XIRP2: variants seen among roughly 807,000 people sequenced by gnomAD.
XIRP2 encodes the protein xin actin-binding repeat-containing protein 2.
XIRP2 carries 236 observed loss-of-function variants against 277.0 expected under a neutral mutation model. That is an observed-to-expected ratio of 0.85 (90% CI 0.77 to 0.95). The LOEUF (loss-of-function observed/expected upper bound fraction) is 0.95, where lower values mean the gene tolerates loss of function less well. XIRP2 is among the 40% of genes least tolerant of loss of function. The probability of loss-of-function intolerance (pLI) is 0.00; values close to 1 mark genes in which losing one functional copy is unlikely to be tolerated. For missense variants in XIRP2, 4,640 were observed against 4,157.5 expected, an observed-to-expected ratio of 1.12 and a Z score of -3.19; for synonymous variants, 1,490 against 1,416.5, an observed-to-expected ratio of 1.05 and a Z score of -1.17.
intron 2 of XIRP2, among the ~76,000 whole-genome samples, chr2:167,082,478 G>C (rs1229176666): frequency 6.6e-6 from 1 of 151,900 alleles, no homozygotes; most frequent in African/African-American, 2.4e-5. Flanking sequence ...GGATGGCTGG[G>C]TCAAATGGTA....
chr2:167,077,721 C>T (rs1558970841), intron 2 of XIRP2, among the ~76,000 whole-genome samples: 1 of 152,146 alleles, frequency 6.6e-6, no homozygotes, highest in Non-Finnish European at 1.5e-5. Flanking sequence ...AGGATTATGT[C>T]TCAGGTGTCA....
At position 167,258,412 on chromosome 2, in the gene XIRP2, A is replaced by G; in HGVS notation, c.*595A>G. 1 of 1,613,404 alleles carries G rather than the reference A, an allele frequency of 6.2e-7. No individual in the cohort carries two copies. Among genetic ancestry groups the G allele is most frequent in the Non-Finnish European group, 8.5e-7 (1 of 1,179,646 alleles). On this transcript the variant is annotated 3_prime_UTR_variant, in exon 11 of 11. Coordinates refer to ENST00000409195, the MANE Select transcript of XIRP2 (RefSeq NM_152381.6). ...ATGTTATAGGAATCAAAGAAATGAA[A>G]ATGCCTGAAGGAAGAAAAGATGAAA...
At chr2:166,970,444 T>C (rs1028515961) in intron 2 of XIRP2, among the ~76,000 whole-genome samples, 1 of 152,024 alleles carries the variant, frequency 6.6e-6, no homozygotes, top group African/African-American at 2.4e-5. Context: ...TGAATGAGTT[T>C]TGTTGTTGCA....
chr2:167,020,426 T>C (rs1687949047), intron 2 of XIRP2, among the ~76,000 whole-genome samples: 1 of 152,050 alleles, frequency 6.6e-6, no homozygotes, highest in Admixed American at 6.6e-5. Flanking sequence ...AGATCATTAC[T>C]TAATCTTTGA....
rs148765610 is a variant in XIRP2 at position 167,187,391 on chromosome 2, C to T, written c.563-23344C>T. ...TTGCTTGATAGACCCTTCAGTGGAG[C>T]GGGCCTCCACTGCACCCATTGCTTT... On this transcript the variant is annotated intron_variant, in intron 3 of 10. Transcript: ENST00000409195. 2.0e-4 allele frequency: 200 copies of T among 985,274 alleles called. No individual in the cohort carries two copies. The African/African-American group carries it at 3.2e-3, about 16-fold the overall frequency. 61.0% of individuals were successfully genotyped at this position (985,274 alleles called of 1,614,324 possible). A position where few individuals can be genotyped will look rare whatever the true frequency, so the allele number is the denominator to read the frequency against.
intron 2 of XIRP2, among the ~76,000 whole-genome samples, chr2:166,936,684 G>T (rs375579533): frequency 3.9e-4 from 59 of 152,224 alleles, no homozygotes; most frequent in South Asian, 2.7e-3. Flanking sequence ...TTTCCCCATT[G>T]CTTGTTTTTG....
intron 2 of XIRP2, among the ~76,000 whole-genome samples, chr2:166,912,031 G>A (rs1684722252): frequency 6.6e-6 from 1 of 152,126 alleles, no homozygotes; most frequent in South Asian, 2.1e-4. Context: ...CTTTCTGTCT[G>A]CCCTTAACAT....
intron 2 of XIRP2, among the ~76,000 whole-genome samples, chr2:167,006,943 A>G (rs1687518454): frequency 6.6e-6 from 1 of 151,698 alleles, no homozygotes; most frequent in Non-Finnish European, 1.5e-5. Context: ...AAGTAATGAA[A>G]ATCTATAGGA....
intron 3 of XIRP2, among the ~76,000 whole-genome samples, chr2:167,159,170 A>C (rs931248761): frequency 6.6e-6 from 1 of 152,158 alleles, no homozygotes; most frequent in Non-Finnish European, 1.5e-5. Flanking sequence ...GAGAGATTCC[A>C]CATGCTGCTG....
rs762622713 is a variant in XIRP2, at chr2:167,243,645, G to A, written c.2253G>A (p.Met751Ile). The A allele has an allele frequency of 2.5e-6, 4 of 1,613,834 alleles. No homozygotes were observed. Among genetic ancestry groups the A allele is most frequent in the Admixed American group, 3.3e-5 (2 of 59,992 alleles). ...TTATTAGAGATGGTTCGGGCCAAAT[G>A]CTGGAAATTAAAACTGTTCACAGAG... Reference protein sequence around the residue: ...LYVIRDGSGQMLEIKTVHRED... With the variant: ...LYVIRDGSGQILEIKTVHRED... The change falls in exon 9 of 11, where the codon ATG becomes ATA. Residue 751 changes from methionine to isoleucine, a missense_variant. By Grantham distance (10) the Met-to-Ile change is conservative. Coordinates refer to ENST00000409195, the MANE Select transcript of XIRP2 (RefSeq NM_152381.6).
intron 3 of XIRP2, among the ~76,000 whole-genome samples, chr2:167,200,330 A>C (rs1272285041): frequency 6.6e-6 from 1 of 152,224 alleles, no homozygotes; most frequent in Admixed American, 6.5e-5. Flanking sequence ...TGCCGAGCCT[A>C]TTTCTCAAAG....
intron 1 of XIRP2, among the ~76,000 whole-genome samples, chr2:166,901,786 T>C (rs1206493989): frequency 6.6e-6 from 1 of 152,130 alleles, no homozygotes; most frequent in Admixed American, 6.6e-5. Flanking sequence ...TGAGATTTTT[T>C]ATAATAAGTG....
intron 3 of XIRP2, among the ~76,000 whole-genome samples, chr2:167,171,642 A>G (rs1161303142): frequency 6.6e-6 from 1 of 152,244 alleles, no homozygotes; most frequent in African/African-American, 2.4e-5. Context: ...TCTGTCAAGT[A>G]TGGAAAGAGA....
In XIRP2 at chr2:167,258,171, C is replaced by A. The variant is rs1695717756; in HGVS notation, c.*354C>A. 1 of 1,612,832 alleles carries A rather than the reference C, an allele frequency of 6.2e-7. No homozygotes were observed. The stretch of plus-strand genomic sequence containing the variant: ...AAATTAAAAGTCATTTGGCCTCCTT[C>A]CAAGGAGATCCCTAAGAAAACCTTA... On this transcript the variant is annotated 3_prime_UTR_variant, in exon 11 of 11. Coordinates refer to ENST00000409195, the MANE Select transcript of XIRP2 (RefSeq NM_152381.6).
intron 2 of XIRP2, among the ~76,000 whole-genome samples, chr2:166,968,192 C>T (rs1440682217): frequency 6.6e-6 from 1 of 151,806 alleles, no homozygotes; most frequent in Non-Finnish European, 1.5e-5. Flanking sequence ...CAAAGGAATT[C>T]CAAAGAGGTT....
intron 2 of XIRP2, among the ~76,000 whole-genome samples, chr2:166,948,882 C>T (rs1013093651): frequency 1.3e-5 from 2 of 151,938 alleles, no homozygotes; most frequent in Non-Finnish European, 2.9e-5. Context: ...AAAAGAAATA[C>T]CAAAAGAAGA....
chr2:167,144,490 T>TA (rs896780644), intron 3 of XIRP2, among the ~76,000 whole-genome samples: 117 of 148,090 alleles, frequency 7.9e-4, no homozygotes, highest in Non-Finnish European at 8.1e-4. Flanking sequence ...AGATCATCTT[T>TA]AAAAAAAAAA....
chr2:166,974,002 G>T (rs1370654429), intron 2 of XIRP2, among the ~76,000 whole-genome samples: 2 of 152,128 alleles, frequency 1.3e-5, no homozygotes, highest in Non-Finnish European at 2.9e-5. Context: ...ACAAATCAAT[G>T]TCAGATAAAA....
At chr2:166,888,953 C>G (rs976818512) in intron 1 of XIRP2, among the ~76,000 whole-genome samples, 2 of 152,172 alleles carry the variant, frequency 1.3e-5, no homozygotes, top group African/African-American at 4.8e-5. Context: ...AAGAAAGCAT[C>G]TGGGCAATTC....
Sources: allele counts gnomAD v4.1 joint callset (sites outside exome capture counted in the v4.1 genomes callset), GRCh38; gene constraint gnomAD v4.1.1; transcripts MANE v1.5; gene names NCBI Gene and HGNC (gene_info 2026-07-23, HGNC 2026-07-21).